The following C9orf153 variants were observed in gnomAD, a reference collection of about 807,000 sequenced individuals.
The protein encoded by C9orf153 is uncharacterized protein C9orf153.
A neutral mutation model predicts 9.0 loss-of-function variants in C9orf153; 10 were observed. The observed-to-expected ratio is 1.11, with a 90% CI of 0.69 to 1.89. The LOEUF (loss-of-function observed/expected upper bound fraction) is 1.89, where lower values mean the gene tolerates loss of function less well. Ranked by LOEUF, C9orf153 falls within the 40% of genes most tolerant of loss-of-function variation. The pLI, the probability that C9orf153 is intolerant of heterozygous loss-of-function variation, is 0.00. For synonymous variants in C9orf153, 35 were observed against 37.3 expected (o/e 0.94, Z 0.23); for missense variants, 108 against 111.0 (o/e 0.97, Z 0.12).
intron 1 of C9orf153, among the ~76,000 whole-genome samples, chr9:86,235,813 A>G (rs1323149303): frequency 1.3e-5 from 2 of 151,600 alleles, no homozygotes; most frequent in African/African-American, 4.9e-5. Flanking sequence ...GTAACAGAAT[A>G]TCCAAGAATT....
chr9:86,229,360 C>T (rs1193997774), intron 2 of C9orf153, among the ~76,000 whole-genome samples, 178 bp downstream of exon 2: 2 of 152,104 alleles, frequency 1.3e-5, no homozygotes, highest in Admixed American at 6.5e-5. Flanking sequence ...CTTCTGCCCA[C>T]CTGCCCTGGG....
intron 1 of C9orf153, among the ~76,000 whole-genome samples, chr9:86,232,562 C>T (rs942284): frequency 0.19 from 29,470 of 151,864 alleles, 3,451 homozygotes; most frequent in East Asian, 0.45. Flanking sequence ...AGAGCAAGGG[C>T]GTCTCACAGA....
At position 86,220,703 on chromosome 9, in the gene C9orf153, C is replaced by T. The variant is rs1824178064; in HGVS notation, c.*985G>A. The T allele has an allele frequency of 6.6e-6, 1 of 152,168 alleles. No individual in the cohort carries two copies. The highest frequency in any genetic ancestry group is 6.5e-5 in the Admixed American group (1 of 15,274). The allele number at this position is 152,168 out of a possible 1,614,324, so 9.4% of individuals were successfully genotyped here. A position where few individuals can be genotyped will look rare whatever the true frequency, so the allele number is the denominator to read the frequency against. The stretch of plus-strand genomic sequence containing the variant: ...GATTTATTTTCAATATCTTGCTAAT[C>T]AGTCTGAGATTTTTCAGTTCAAGGT... On this transcript the variant is annotated 3_prime_UTR_variant, in exon 4 of 4. Coordinates refer to ENST00000339137, the MANE Select transcript of C9orf153 (RefSeq NM_001276366.4).
At chr9:86,229,838 G>T (rs560266368) in intron 1 of C9orf153, among the ~76,000 whole-genome samples, 2 of 152,288 alleles carry the variant, frequency 1.3e-5, no homozygotes, top group East Asian at 1.9e-4. Flanking sequence ...TTGGCTCATG[G>T]TTCTGCACAC....
At chr9:86,241,571 A>G (rs984978090) in intron 1 of C9orf153, among the ~76,000 whole-genome samples, 1 of 152,176 alleles carries the variant, frequency 6.6e-6, no homozygotes, top group Non-Finnish European at 1.5e-5. Flanking sequence ...ATGCTTAAGA[A>G]CCAAACTCCC....
At chr9:86,241,351 GTAGA>G (rs74583940) in intron 1 of C9orf153, among the ~76,000 whole-genome samples, 24,363 of 139,082 alleles carry the variant, frequency 0.18, 2,242 homozygotes, top group East Asian at 0.54. Context: ...GGCCTGCGTG[GTAGA>G]TACTCATCTT....
At chr9:86,243,014 G>A (rs565187539) in intron 1 of C9orf153, among the ~76,000 whole-genome samples, 3 of 152,300 alleles carry the variant, frequency 2.0e-5, no homozygotes, top group African/African-American at 7.2e-5. Flanking sequence ...GAGTTAGTGC[G>A]AAGGCATGAA....
chr9:86,245,340 T>C (rs947435043), intron 1 of C9orf153, among the ~76,000 whole-genome samples: 1 of 152,226 alleles, frequency 6.6e-6, no homozygotes, highest in African/African-American at 2.4e-5. Context: ...ATGCGCATCA[T>C]TGTGTAACGC....
At chr9:86,252,745 T>A (rs1173789250) in intron 1 of C9orf153, among the ~76,000 whole-genome samples, 2 of 152,228 alleles carry the variant, frequency 1.3e-5, no homozygotes, top group African/African-American at 4.8e-5. Flanking sequence ...AATTCAGATA[T>A]GTGTTGGTAA....
chr9:86,250,857 T>A (rs185462750), intron 1 of C9orf153, among the ~76,000 whole-genome samples: 1 of 152,216 alleles, frequency 6.6e-6, no homozygotes, highest in African/African-American at 2.4e-5. Flanking sequence ...TGAAAACGAA[T>A]TGTGAAAAAG....
intron 1 of C9orf153, among the ~76,000 whole-genome samples, chr9:86,250,404 T>G (rs765993223): frequency 6.6e-6 from 1 of 152,116 alleles, no homozygotes; most frequent in Admixed American, 6.6e-5. Flanking sequence ...ATGGGAAAGG[T>G]CACAGAGGCC....
intron 3 of C9orf153, chr9:86,227,465 T>C: frequency 7.0e-7 from 1 of 1,425,318 alleles, no homozygotes; most frequent in East Asian, 2.6e-5. Flanking sequence ...AGGTCAGTAT[T>C]GGACCATTTC....
intron 1 of C9orf153, among the ~76,000 whole-genome samples, chr9:86,230,669 AC>A (rs893177706): frequency 3.9e-5 from 6 of 152,186 alleles, no homozygotes; most frequent in African/African-American, 1.4e-4. Flanking sequence ...AAACTCACCC[AC>A]CTCCTTACAC....
At chr9:86,239,227 C>T (rs2131190355) in intron 1 of C9orf153, among the ~76,000 whole-genome samples, 1 of 151,328 alleles carries the variant, frequency 6.6e-6, no homozygotes, top group South Asian at 2.1e-4. Context: ...TGCCACTGCA[C>T]TCCAGCCTGG....
chr9:86,225,280 C>T (rs568976080), intron 3 of C9orf153, among the ~76,000 whole-genome samples: 1 of 152,140 alleles, frequency 6.6e-6, no homozygotes, highest in East Asian at 1.9e-4. Context: ...ACTGGATACC[C>T]TTCACTTAGA....
chr9:86,221,151 G>A lies in C9orf153; in HGVS notation c.*537C>T, dbSNP rs1028866322. 1 of 152,142 alleles carries A rather than the reference G, an allele frequency of 6.6e-6. No individual in the cohort carries two copies. The highest frequency in any genetic ancestry group is 2.4e-5 in the African/African-American group (1 of 41,410). The allele number at this position is 152,142 out of a possible 1,614,324, so 9.4% of individuals were successfully genotyped here. A position where few individuals can be genotyped will look rare whatever the true frequency, so the allele number is the denominator to read the frequency against. Reference sequence around the variant, plus strand: ...ATGCTCAGATGTTAATTTGTTTGTTGAATGTACCAAATACTTTATGATGAT... The same window carrying A: ...ATGCTCAGATGTTAATTTGTTTGTTAAATGTACCAAATACTTTATGATGAT... On this transcript the variant is annotated 3_prime_UTR_variant, in exon 4 of 4. Transcript: ENST00000339137.
chr9:86,256,862 A>C (rs1270530532), intron 1 of C9orf153, among the ~76,000 whole-genome samples: 1 of 152,156 alleles, frequency 6.6e-6, no homozygotes, highest in African/African-American at 2.4e-5. Flanking sequence ...GCCAGTCAAT[A>C]GCTTATACTA....
chr9:86,243,528 C>T (rs181633933), intron 1 of C9orf153, among the ~76,000 whole-genome samples: 342 of 149,624 alleles, frequency 2.3e-3, no homozygotes, highest in Middle Eastern at 0.01. Flanking sequence ...TGCAATGGCG[C>T]GATCTCGGCT....
intron 1 of C9orf153, among the ~76,000 whole-genome samples, chr9:86,249,926 T>C (rs1824958240): frequency 6.6e-6 from 1 of 152,056 alleles, no homozygotes; most frequent in African/African-American, 2.4e-5. Context: ...GGCATAGAAA[T>C]TTACTAGAGT....
Sources: gnomAD v4.1 joint callset for allele counts (sites outside exome capture counted in the v4.1 genomes callset) on GRCh38, gnomAD v4.1.1 for gene constraint, MANE v1.5 for transcripts, NCBI Gene and HGNC (gene_info 2026-07-23, HGNC 2026-07-21) for gene names.